The following NFIC variants were observed in gnomAD, a reference collection of about 807,000 sequenced individuals.
NFIC encodes nuclear factor I C, also known as nuclear factor 1 C-type.
In NFIC, 12 loss-of-function variants were observed where a neutral mutation model predicts 54.4. The observed-to-expected ratio is 0.22, with a 90% CI of 0.14 to 0.36. NFIC has a LOEUF of 0.36. Ranked by LOEUF, NFIC falls within the 10% of genes least tolerant of loss-of-function variation. The pLI, the probability that NFIC is intolerant of heterozygous loss-of-function variation, is 1.00. For missense variants in NFIC, 575 were observed against 718.2 expected, an observed-to-expected ratio of 0.80 and a Z score of 2.28; for synonymous variants, 322 against 319.2, an observed-to-expected ratio of 1.01 and a Z score of -0.09.
chr19:3,441,450 AAAG>A (rs1205619466), intron 6 of NFIC, among the ~76,000 whole-genome samples: 1 of 152,248 alleles, frequency 6.6e-6, no homozygotes, highest in East Asian at 1.9e-4. Context: ...GTCCCACAGC[AAAG>A]AAGGGGCAGA....
intron 2 of NFIC, among the ~76,000 whole-genome samples, chr19:3,422,921 G>T (rs1449222495): frequency 1.3e-5 from 2 of 152,110 alleles, no homozygotes; most frequent in Admixed American, 6.6e-5. Context: ...ATACAGCCAG[G>T]CATGGTGGCT....
chr19:3,365,972 C>T (rs541201287), upstream of NFIC, among the ~76,000 whole-genome samples: 11 of 152,204 alleles, frequency 7.2e-5, no homozygotes, highest in South Asian at 2.1e-3. Context: ...CACCCAGGGT[C>T]GTACATCTTT....
In NFIC at chr19:3,457,014, C is replaced by T. The variant is rs78325886; in HGVS notation, c.1509+379C>T. ...AGGGTCACACAGTGCATCACCCTCC[C>T]TCCTCCAGCCTCCATCCCCCATCCA... is the stretch of plus-strand genomic sequence containing the variant. On this transcript the variant is annotated intron_variant, in intron 10 of 10. Coordinates refer to ENST00000443272, the MANE Select transcript of NFIC (RefSeq NM_001245002.2). Among the ~76,000 whole-genome samples the T allele has an allele frequency of 9.5e-3, 1,454 of 152,304 alleles. 23 individuals are homozygous for T. The highest frequency in any genetic ancestry group is 0.033 in the African/African-American group (1,376 of 41,572).
chr19:3,363,269 A>ATTTTTT (rs1178364391), upstream of NFIC, among the ~76,000 whole-genome samples: 44 of 36,680 alleles, frequency 1.2e-3, 1 homozygote, highest in Non-Finnish European at 1.6e-3. Flanking sequence ...ATATATATAT[A>ATTTTTT]TTTTTTTTTT....
chr19:3,456,925 T>C (rs965981500), intron 10 of NFIC: 5 of 477,306 alleles, frequency 1.0e-5, no homozygotes, highest in Non-Finnish European at 1.9e-5. Context: ...CCAGTGTCAT[T>C]ACCACCTGCT....
rs533992151 is a variant in NFIC at position 3,459,462 on chromosome 19, G to C, written c.1509+2827G>C. On this transcript the variant is annotated intron_variant, in intron 10 of 10. Transcript: ENST00000443272. The surrounding 1 kb of genome is among the most constrained non-coding windows in gnomAD (Gnocchi z 4.2). The stretch of plus-strand genomic sequence containing the variant: ...TAAGCAGCTGGGTAAACCGAGGGTG[G>C]GGGGCAAGGCGGGCATTGAGCCACA... Among the ~76,000 whole-genome samples, 7,627 of 152,190 alleles carry C rather than the reference G, an allele frequency of 0.05. 611 individuals carry two copies. Among genetic ancestry groups the C allele is most frequent in the African/African-American group, 0.17 (7,180 of 41,486 alleles).
intron 3 of NFIC, among the ~76,000 whole-genome samples, chr19:3,426,853 C>T (rs759855096): frequency 6.6e-6 from 1 of 152,136 alleles, no homozygotes; most frequent in African/African-American, 2.4e-5. Flanking sequence ...CTGGTCTCAG[C>T]TCAAATGCCC....
chr19:3,426,933 T>TC (rs1290666721), intron 3 of NFIC, among the ~76,000 whole-genome samples: 1 of 151,102 alleles, frequency 6.6e-6, no homozygotes, highest in East Asian at 1.9e-4. Context: ...ATCTTTTTTT[T>TC]TTTTTTTTTT....
intron 1 of NFIC, among the ~76,000 whole-genome samples, chr19:3,373,822 G>C (rs12974128): frequency 0.33 from 49,527 of 152,074 alleles, 9,391 homozygotes; most frequent in Middle Eastern, 0.48. Flanking sequence ...ACCTGGGACC[G>C]GCATGCAGCA....
intron 2 of NFIC, among the ~76,000 whole-genome samples, chr19:3,390,828 G>A (rs2081365174): frequency 6.7e-6 from 1 of 150,068 alleles, no homozygotes; most frequent in Non-Finnish European, 1.5e-5. Context: ...CAGATTCACA[G>A]AGACAGAAAG....
At chr19:3,439,855 AT>A (rs2082265615) in intron 6 of NFIC, among the ~76,000 whole-genome samples, 1 of 151,000 alleles carries the variant, frequency 6.6e-6, no homozygotes. Flanking sequence ...TGCCCGGCTA[AT>A]TTTTTGTATT....
At chr19:3,399,172 CTG>C (rs1205282153) in intron 2 of NFIC, among the ~76,000 whole-genome samples, 7 of 152,282 alleles carry the variant, frequency 4.6e-5, no homozygotes, top group African/African-American at 1.7e-4. Context: ...TGCCTGTTCA[CTG>C]TGTGGCCTCA....
chr19:3,435,318 G>C (rs892696052), intron 6 of NFIC, 111 bp downstream of exon 6: 4 of 1,383,604 alleles, frequency 2.9e-6, no homozygotes, highest in Non-Finnish European at 2.9e-6. Context: ...AGCCGGCCTG[G>C]AGCCGCGGGG....
In NFIC at chr19:3,463,021, G is replaced by T; in HGVS notation, c.*252G>T. On this transcript the variant is annotated 3_prime_UTR_variant, in exon 11 of 11. Coordinates refer to ENST00000443272, the MANE Select transcript of NFIC (RefSeq NM_001245002.2). ...AGAAGACAAAAGGTAAAGACGCAAC[G>T]TTTCCAACTCTCGGGACGCCAAGGC... The T allele has an allele frequency of 1.5e-6, 2 of 1,363,216 alleles. No homozygotes were observed. Among genetic ancestry groups the T allele is most frequent in the Non-Finnish European group, 1.9e-6 (2 of 1,062,778 alleles). The allele number at this position is 1,363,216 out of a possible 1,614,324, so 84.4% of individuals were successfully genotyped here. A position where few individuals can be genotyped will look rare whatever the true frequency, so the allele number is the denominator to read the frequency against.
At chr19:3,385,230 T>C (rs1599587218) in intron 2 of NFIC, among the ~76,000 whole-genome samples, 2 of 68,362 alleles carry the variant, frequency 2.9e-5, no homozygotes, top group East Asian at 4.2e-4. Context: ...ACCTGCCCAC[T>C]GCGGGTGCTC....
intron 3 of NFIC, among the ~76,000 whole-genome samples, chr19:3,428,951 C>T (rs1437440618): frequency 6.6e-6 from 1 of 151,952 alleles, no homozygotes; most frequent in East Asian, 1.9e-4. Flanking sequence ...AACCTCCCAG[C>T]GCGGGGCAGG....
intron 2 of NFIC, among the ~76,000 whole-genome samples, chr19:3,403,224 G>C (rs2081584839): frequency 6.6e-6 from 1 of 152,118 alleles, no homozygotes; most frequent in African/African-American, 2.4e-5. Flanking sequence ...TGAAAGCTTG[G>C]GAAGGAGAAA....
chr19:3,440,540 C>T (rs1014540819), intron 6 of NFIC, among the ~76,000 whole-genome samples: 11 of 151,832 alleles, frequency 7.2e-5, no homozygotes, highest in East Asian at 3.9e-4. Flanking sequence ...AAGCGATTCT[C>T]GTGCCTCAGC....
chr19:3,425,998 G>C (rs1425468194), intron 3 of NFIC, among the ~76,000 whole-genome samples: 1 of 126,426 alleles, frequency 7.9e-6, no homozygotes, highest in South Asian at 2.6e-4. Flanking sequence ...GCAGTGGCGC[G>C]ATCTCGGCTC....
Sources: gnomAD v4.1 joint callset for allele counts (sites outside exome capture counted in the v4.1 genomes callset) on GRCh38, gnomAD v4.1.1 for gene constraint, Gnocchi (gnomAD v3.1) non-coding constraint, MANE v1.5 for transcripts, NCBI Gene and HGNC (gene_info 2026-07-23, HGNC 2026-07-21) for gene names.